CYP4F8: variants seen among roughly 807,000 people sequenced by gnomAD.
CYP4F8 encodes cytochrome P450 family 4 subfamily F member 8.
A neutral mutation model predicts 55.0 loss-of-function variants in CYP4F8; 56 were observed. The observed-to-expected ratio is 1.02, with a 90% CI of 0.82 to 1.27. The LOEUF (loss-of-function observed/expected upper bound fraction) is 1.27. Ranked by LOEUF, CYP4F8 falls within the 50% of genes most tolerant of loss-of-function variation. The pLI, the probability that CYP4F8 is intolerant of heterozygous loss-of-function variation, is 0.00. For synonymous variants in CYP4F8, 288 were observed against 267.3 expected (o/e 1.08, Z -0.76); for missense variants, 680 against 682.4 (o/e 1.00, Z 0.04).
chr19:15,628,792 A>G lies in CYP4F8; in HGVS notation c.1346A>G (p.Asn449Ser), dbSNP rs759949817. The change falls in exon 12 of 13, where the codon AAC becomes AGC. Residue 449 changes from asparagine to serine, a missense_variant. Coordinates refer to ENST00000612078, the MANE Select transcript of CYP4F8 (RefSeq NM_007253.4). ...VYDPFRFDPE[N>S]AQKRSPMAFI... ...GACCCCTTCCGCTTCGACCCAGAAA[A>G]CGCCCAGAAGAGGTCACCTATGGCT... 4 of 1,609,664 alleles carry G rather than the reference A, an allele frequency of 2.5e-6. No individual in the cohort carries two copies. Among genetic ancestry groups the G allele is most frequent in the Middle Eastern group, 1.6e-4 (1 of 6,064 alleles).
At position 15,629,339 on chromosome 19, in the gene CYP4F8, G is replaced by T. The variant is rs1317466521; in HGVS notation, c.1544G>T (p.Arg515Leu). The T allele has an allele frequency of 1.2e-6, 2 of 1,610,834 alleles. No homozygotes were observed. Among genetic ancestry groups the T allele is most frequent in the Non-Finnish European group, 1.7e-6 (2 of 1,178,396 alleles). Residue 515 changes from arginine (R) to leucine (L), a missense_variant, in exon 13 of 13, where the codon CGA becomes CTA. Arg to Leu is a moderately radical substitution (Grantham distance 102). Coordinates refer to ENST00000612078, the MANE Select transcript of CYP4F8 (RefSeq NM_007253.4). ...CGTGCGGAGGACGGACTTTGGCTGC[G>T]AGTAGAACCCCTGGGCTGAGGCCTG... is the stretch of plus-strand genomic sequence containing the variant. ...VLRAEDGLWL[R>L]VEPLG is the part of the protein sequence containing the mutation.
intron 10 of CYP4F8, 41 bp from the exon 11 acceptor site, chr19:15,628,490 C>A (rs1972291596): frequency 1.9e-6 from 3 of 1,613,136 alleles, no homozygotes; most frequent in East Asian, 4.5e-5. Flanking sequence ...TCCCAGCAGG[C>A]AGCTCGGACC....
chr19:15,618,649 G>T (rs1972154888), intron 3 of CYP4F8: 2 of 281,026 alleles, frequency 7.1e-6, no homozygotes, highest in African/African-American at 4.4e-5. Flanking sequence ...CAAGGCTCCG[G>T]GCCAGGCTTG....
Position 15,628,784 on chromosome 19 carries a change from C to T in CYP4F8, c.1338C>T (p.Asp446=). 6.2e-7 allele frequency: 1 copy of T among 1,612,230 alleles called. No homozygotes were observed. The highest frequency in any genetic ancestry group is 8.5e-7 in the Non-Finnish European group (1 of 1,179,330). ...AGGTCTATGACCCCTTCCGCTTCGA[C>T]CCAGAAAACGCCCAGAAGAGGTCAC... The part of the protein sequence containing the change: ...DPEVYDPFRF[D]PENAQKRSPM... Residue 446 remains aspartate, a synonymous_variant, in exon 12 of 13, where the codon GAC becomes GAT. Coordinates refer to ENST00000612078, the MANE Select transcript of CYP4F8 (RefSeq NM_007253.4).
At position 15,622,160 on chromosome 19, in the gene CYP4F8, T is replaced by C. The variant is rs947435633; in HGVS notation, c.526-59T>C. 1.1e-5 allele frequency: 17 copies of C among 1,565,714 alleles called. No individual in the cohort carries two copies. In the African/African-American group the frequency reaches 2.3e-4, roughly 21 times the overall value. On this transcript the variant is annotated intron_variant, in intron 5 of 12. Transcript: ENST00000612078. ...GGGAGTCCATCCTGGTGGTTGGGGT[T>C]GCAGGGGGACTCAGAGGAGCCAAGG... is the stretch of plus-strand genomic sequence containing the variant.
chr19:15,615,510 A>C, intron 1 of CYP4F8, 106 bp from the exon 2 acceptor site: 2 of 1,295,018 alleles, frequency 1.5e-6, no homozygotes, highest in Non-Finnish European at 2.1e-6. Context: ...GATTCCCTGA[A>C]TCTCCCTCCA....
chr19:15,616,935 C>T (rs1972129695), intron 2 of CYP4F8, among the ~76,000 whole-genome samples: 1 of 115,816 alleles, frequency 8.6e-6, no homozygotes, highest in Admixed American at 8.1e-5. Context: ...GCTTGATGTG[C>T]AAAAGGTGCT....
rs757069567 is a variant in CYP4F8 at position 15,629,332 on chromosome 19, T to C, written c.1537T>C (p.Trp513Arg). 1 of 1,611,808 alleles carries C rather than the reference T, an allele frequency of 6.2e-7. No individual in the cohort carries two copies. Among genetic ancestry groups the C allele is most frequent in the South Asian group, 1.1e-5 (1 of 90,522 alleles). Residue 513 changes from tryptophan to arginine, a missense_variant, in exon 13 of 13, where the codon TGG (tryptophan) becomes CGG (arginine). Transcript: ENST00000612078. ...TGTTTTGCGTGCGGAGGACGGACTT[T>C]GGCTGCGAGTAGAACCCCTGGGCTG... ...EIVLRAEDGL[W>R]LRVEPLG
chr19:15,617,944 A>T, intron 2 of CYP4F8, 56 bp from the exon 3 acceptor site: 1 of 1,580,392 alleles, frequency 6.3e-7, no homozygotes, highest in Non-Finnish European at 8.6e-7. Flanking sequence ...ATATCTGGGC[A>T]TCCCTTAACC....
chr19:15,618,753 C>T, intron 3 of CYP4F8: 1 of 221,824 alleles, frequency 4.5e-6, no homozygotes, highest in South Asian at 7.0e-5. Flanking sequence ...ATTTCCATGA[C>T]ATTCACCTCT....
Position 15,629,278 on chromosome 19 carries a change from C to G in CYP4F8, c.1483C>G (p.His495Asp). 1 of 1,613,362 alleles carries G rather than the reference C, an allele frequency of 6.2e-7. No homozygotes were observed. Among genetic ancestry groups the G allele is most frequent in the Non-Finnish European group, 8.5e-7 (1 of 1,179,682 alleles). Residue 495 changes from histidine (H) to aspartate (D), a missense_variant, in exon 13 of 13, where the codon CAC becomes GAC. Transcript: ENST00000612078. ...GCTGCGCTTCCGCATCCTGCCCGAC[C>G]ACAGGGAGCCACGCAGGACGCCGGA... ...TLLRFRILPD[H>D]REPRRTPEIV...
rs751217264 is a variant in CYP4F8, at chr19:15,615,707, C to T, written c.91C>T (p.Leu31=). The T allele has an allele frequency of 5.6e-6, 9 of 1,614,094 alleles. No individual in the cohort carries two copies. The highest frequency in any genetic ancestry group is 6.8e-6 in the Non-Finnish European group (8 of 1,179,972). The change falls in exon 2 of 13, where the codon CTG becomes TTG. Residue 31 remains leucine (L), a synonymous_variant. Transcript: ENST00000612078. The part of the protein sequence containing the change: ...LLLVVGASWL[L]ARILAWTYAF... Reference sequence around the variant, plus strand: ...GCTGGTGGTCGGGGCCTCCTGGCTCCTGGCCCGCATCCTGGCCTGGACCTA... The same window carrying T: ...GCTGGTGGTCGGGGCCTCCTGGCTCTTGGCCCGCATCCTGGCCTGGACCTA...
At chr19:15,616,491 A>G (rs748704923) in intron 2 of CYP4F8, among the ~76,000 whole-genome samples, 1 of 152,140 alleles carries the variant, frequency 6.6e-6, no homozygotes, top group Non-Finnish European at 1.5e-5. Context: ...TTATTTCCAC[A>G]TTATCCACTG....
At chr19:15,622,994 G>A in intron 6 of CYP4F8, 111 bp from the exon 7 acceptor site, 1 of 1,301,862 alleles carries the variant, frequency 7.7e-7, no homozygotes, top group Non-Finnish European at 1.0e-6. Context: ...AAGTGCGCTT[G>A]CAGGACACCC....
chr19:15,628,710 C>T, intron 11 of CYP4F8, 51 bp from the exon 12 acceptor site: 1 of 1,610,114 alleles, frequency 6.2e-7, no homozygotes, highest in Non-Finnish European at 8.5e-7. Context: ...GTGGGGGTGG[C>T]TGGGTGTCCT....
chr19:15,629,124 T>C (rs1972302165), intron 12 of CYP4F8, 69 bp from the exon 13 acceptor site: 2 of 1,504,084 alleles, frequency 1.3e-6, no homozygotes, highest in Admixed American at 4.4e-5. Context: ...GTTCCGGGCC[T>C]GGTTCCTGGC....
At chr19:15,616,026 T>C (rs1972113970) in intron 2 of CYP4F8, among the ~76,000 whole-genome samples, 2 of 147,948 alleles carry the variant, frequency 1.4e-5, no homozygotes, top group South Asian at 2.2e-4. Context: ...CTCTCCTCAC[T>C]CACTCATTCC....
At chr19:15,624,799 T>C (rs10405202) in intron 9 of CYP4F8, among the ~76,000 whole-genome samples, 23,446 of 152,218 alleles carry the variant, frequency 0.15, 1,861 homozygotes, top group Middle Eastern at 0.21. Context: ...TAAATGTGGG[T>C]AAAGTTGAGC....
At chr19:15,627,661 A>T (rs970172441) in intron 9 of CYP4F8, 1 of 152,264 alleles carries the variant, frequency 6.6e-6, no homozygotes, top group African/African-American at 2.4e-5. Flanking sequence ...TGGAGTGGAG[A>T]TTATTTATTC....
Sources: gnomAD v4.1 joint callset for allele counts (sites outside exome capture counted in the v4.1 genomes callset) on GRCh38, gnomAD v4.1.1 for gene constraint, MANE v1.5 for transcripts, NCBI Gene and HGNC (gene_info 2026-07-23, HGNC 2026-07-21) for gene names.